TNRC6C: variants seen among roughly 807,000 people sequenced by gnomAD.
TNRC6C encodes the protein trinucleotide repeat-containing gene 6C protein.
Under a neutral mutation model 153.7 loss-of-function variants are expected in TNRC6C, and 20 were observed. The ratio of observed to expected loss-of-function variants is 0.13; its 90% CI spans 0.09 to 0.19. The LOEUF (loss-of-function observed/expected upper bound fraction) is 0.19, where lower values mean the gene tolerates loss of function less well. Ranked by LOEUF, TNRC6C falls within the 10% of genes least tolerant of loss-of-function variation. TNRC6C has a pLI of 1.00. For missense variants in TNRC6C, 1,987 were observed against 2,172.0 expected (o/e 0.91, Z 1.69); for synonymous variants, 811 against 841.4 (o/e 0.96, Z 0.63).
chr17:78,056,158 CTT>C (rs879621792), intron 3 of TNRC6C, among the ~76,000 whole-genome samples: 4 of 143,348 alleles, frequency 2.8e-5, no homozygotes, highest in Non-Finnish European at 3.1e-5. Flanking sequence ...CCAGAAACTA[CTT>C]TTTTTTTTTT....
In TNRC6C at chr17:78,026,364, C is replaced by T. The variant is rs78386337; in HGVS notation, c.-545-5152C>T. 1.4e-3 allele frequency among the ~76,000 whole-genome samples: 211 copies of T among 152,284 alleles called. 3 individuals carry two copies. The East Asian group carries it at 0.034, about 24-fold the overall frequency. ...CTTAGGTGAGGAGGTGACATTTAGT[C>T]TGATATTTAAAGAATAGCTGGGAAT... On this transcript the variant is annotated intron_variant, in intron 1 of 19. Transcript: ENST00000301624.
rs140809537 is a variant in TNRC6C at position 78,086,661 on chromosome 17, A to G, written c.3561+75A>G. 387 of 1,551,876 alleles carry G rather than the reference A, an allele frequency of 2.5e-4. 2 individuals carry two copies. In the Middle Eastern group the frequency reaches 3.7e-3, roughly 15 times the overall value. Reference sequence around the variant, plus strand: ...TAGAAGAGACGCTAATTGATGAACTATTAGATGATCATTGATTTTTCTCTA... The same window carrying G: ...TAGAAGAGACGCTAATTGATGAACTGTTAGATGATCATTGATTTTTCTCTA... On this transcript the variant is annotated intron_variant, in intron 12 of 19. Coordinates refer to ENST00000301624, the Ensembl canonical transcript of TNRC6C.
chr17:78,060,494 CAG>C (rs1177545176), intron 3 of TNRC6C, among the ~76,000 whole-genome samples: 9 of 120,388 alleles, frequency 7.5e-5, no homozygotes, highest in Admixed American at 9.9e-5. Context: ...TTTTTTGAGA[CAG>C]AGTCTTAACT....
At position 78,086,645 on chromosome 17, in the gene TNRC6C, C is replaced by A. The variant is rs890366650; in HGVS notation, c.3561+59C>A. 9 of 1,564,024 alleles carry A rather than the reference C, an allele frequency of 5.8e-6. No homozygotes were observed. The East Asian group carries it at 1.8e-4, about 31-fold the overall frequency. ...CTATAATTTTCCCTGATAGAAGAGA[C>A]GCTAATTGATGAACTATTAGATGAT... On this transcript the variant is annotated intron_variant, in intron 12 of 19. Coordinates refer to ENST00000301624, the Ensembl canonical transcript of TNRC6C.
intron 1 of TNRC6C, among the ~76,000 whole-genome samples, chr17:77,998,867 T>C (rs1296602023): frequency 2.0e-5 from 3 of 152,268 alleles, no homozygotes; most frequent in East Asian, 3.8e-4. Flanking sequence ...GTATGTCATA[T>C]AGACTTTTAG....
chr17:77,958,570 C>G (rs1451626713), upstream of TNRC6C, among the ~76,000 whole-genome samples: 3 of 152,084 alleles, frequency 2.0e-5, no homozygotes, highest in Non-Finnish European at 4.4e-5. Flanking sequence ...GGCCAGTTCG[C>G]CCTCCGGTAT....
intron 19 of TNRC6C, among the ~76,000 whole-genome samples, chr17:78,103,938 G>T (rs1021336921): frequency 6.6e-6 from 1 of 152,236 alleles, no homozygotes; most frequent in African/African-American, 2.4e-5. Context: ...ACATGGGGAG[G>T]TACTGGGTGT....
At position 77,986,186 on chromosome 17, in the gene TNRC6C, T is replaced by G. The variant is rs2071164375; in HGVS notation, c.-37-17984T>G. Among the ~76,000 whole-genome samples the G allele has an allele frequency of 2.6e-5, 4 of 152,072 alleles. No individual in the cohort carries two copies. In the South Asian group the frequency reaches 8.3e-4, roughly 31 times the overall value. ...AATCCCAGCACTTGGAAGGCCGAGG[T>G]GGGCGGATCACCCGAGGTCGGGAGT... On this transcript the variant is annotated intron_variant, in intron 1 of 22. Transcript: ENST00000636222.
At chr17:78,041,861 G>C (rs1241140478) in intron 2 of TNRC6C, among the ~76,000 whole-genome samples, 2 of 152,170 alleles carry the variant, frequency 1.3e-5, no homozygotes, top group Non-Finnish European at 2.9e-5. Flanking sequence ...CAGTTAAAAG[G>C]ACTGTGATGA....
intron 2 of TNRC6C, among the ~76,000 whole-genome samples, chr17:78,045,697 G>A (rs1256279455): frequency 1.3e-5 from 2 of 152,128 alleles, no homozygotes; most frequent in African/African-American, 2.4e-5. Context: ...TATTTGCCAC[G>A]CCCTCAAGGA....
chr17:78,028,099 C>T (rs553318202), intron 1 of TNRC6C, among the ~76,000 whole-genome samples: 60 of 152,164 alleles, frequency 3.9e-4, no homozygotes, highest in Admixed American at 3.2e-3. Context: ...AGGGTTTCAC[C>T]GTGTTAGTCA....
At chr17:77,972,944 C>T (rs2144070017) in intron 1 of TNRC6C, among the ~76,000 whole-genome samples, 1 of 152,322 alleles carries the variant, frequency 6.6e-6, no homozygotes, top group African/African-American at 2.4e-5. Flanking sequence ...TCGCAACTCT[C>T]TCTCAGGCTG....
intron 1 of TNRC6C, among the ~76,000 whole-genome samples, chr17:77,998,080 C>A (rs149972784): frequency 6.6e-6 from 1 of 152,080 alleles, no homozygotes; most frequent in Non-Finnish European, 1.5e-5. Context: ...CAAACACATA[C>A]AACCATATAA....
rs755110597 is a variant in TNRC6C, at chr17:78,104,515, C to G, written c.4743C>G (p.Ala1581=). 2 of 1,525,404 alleles carry G rather than the reference C, an allele frequency of 1.3e-6. No homozygotes were observed. Among genetic ancestry groups the G allele is most frequent in the East Asian group, 4.9e-5 (2 of 41,202 alleles). 94.5% of individuals were successfully genotyped at this position (1,525,404 alleles called of 1,614,324 possible). ...TCCTGGGAAACACTACCATCCTGGCCGAGTTCGCTGGTGAAGAAGAAGTGA... is the reference window on the plus strand; with the variant it reads ...TCCTGGGAAACACTACCATCCTGGCGGAGTTCGCTGGTGAAGAAGAAGTGA... Residue 1581 remains alanine, a synonymous_variant, in exon 20 of 20, where the codon GCC becomes GCG. Transcript: ENST00000301624. This position sits in a 1 kb window ranked among gnomAD's most constrained non-coding sequence, Gnocchi z 6.2.
intron 16 of TNRC6C, among the ~76,000 whole-genome samples, chr17:78,095,928 G>C (rs536655482): frequency 6.6e-6 from 1 of 152,196 alleles, no homozygotes; most frequent in Non-Finnish European, 1.5e-5. Flanking sequence ...GCACACGTCA[G>C]TGGTCCCAGC....
chr17:78,085,070 G>T (rs2144481302), intron 11 of TNRC6C, among the ~76,000 whole-genome samples: 1 of 152,298 alleles, frequency 6.6e-6, no homozygotes, highest in Non-Finnish European at 1.5e-5. Flanking sequence ...AAAGGAGACA[G>T]CTCTGAAAAC....
At chr17:78,062,387 A>G (rs1001616408) in intron 3 of TNRC6C, among the ~76,000 whole-genome samples, 26 of 152,156 alleles carry the variant, frequency 1.7e-4, no homozygotes, top group Non-Finnish European at 3.4e-4. Flanking sequence ...TGCTATTTTT[A>G]GTCAGAAAAT....
chr17:77,969,188 T>C (rs1048077947), intron 1 of TNRC6C, among the ~76,000 whole-genome samples: 1 of 152,184 alleles, frequency 6.6e-6, no homozygotes, highest in Non-Finnish European at 1.5e-5. Flanking sequence ...TTGGCTGTGC[T>C]CCTCACCGCT....
intron 1 of TNRC6C, among the ~76,000 whole-genome samples, chr17:78,015,066 A>G (rs1598688881): frequency 2.0e-5 from 3 of 152,328 alleles, no homozygotes; most frequent in South Asian, 4.1e-4. Flanking sequence ...ACATTTGCAA[A>G]CAATCTTATA....
Sources: gnomAD v4.1 joint callset for allele counts (sites outside exome capture counted in the v4.1 genomes callset) on GRCh38, gnomAD v4.1.1 for gene constraint, Gnocchi (gnomAD v3.1) non-coding constraint, MANE v1.5 for transcripts, NCBI Gene and HGNC (gene_info 2026-07-23, HGNC 2026-07-21) for gene names.